The following CAP2 variants were observed in gnomAD, a reference collection of about 807,000 sequenced individuals.
CAP2 encodes the protein adenylyl cyclase-associated protein 2.
A neutral mutation model predicts 57.7 loss-of-function variants in CAP2; 24 were observed. The observed-to-expected ratio is 0.42, with a 90% CI of 0.30 to 0.58. The LOEUF is 0.58. Among genes scored for constraint, CAP2 ranks in the 20% least tolerant of loss-of-function variants. The probability of loss-of-function intolerance (pLI) is 0.22; values close to 1 mark genes in which losing one functional copy is unlikely to be tolerated. For synonymous variants in CAP2, 194 were observed against 207.2 expected, an observed-to-expected ratio of 0.94 and a Z score of 0.55; for missense variants, 501 against 590.3, an observed-to-expected ratio of 0.85 and a Z score of 1.57.
At position 17,557,235 on chromosome 6, in the gene CAP2, A is replaced by C. The variant is rs1763335434; in HGVS notation, c.*793A>C. ...AATCAAGCTCAGTTATTATTTTCCA[A>C]GTTTGAACATGTTAAATATCAGATG... On this transcript the variant is annotated 3_prime_UTR_variant, in exon 13 of 13. Coordinates refer to ENST00000229922, the MANE Select transcript of CAP2 (RefSeq NM_006366.3). The C allele has an allele frequency of 6.6e-6, 1 of 152,186 alleles. No homozygotes were observed. The highest frequency in any genetic ancestry group is 1.5e-5 in the Non-Finnish European group (1 of 68,036). The allele number at this position is 152,186 out of a possible 1,614,324, so 9.4% of individuals were successfully genotyped here.
At chr6:17,482,888 A>C (rs1379378243) in intron 4 of CAP2, among the ~76,000 whole-genome samples, 1 of 152,058 alleles carries the variant, frequency 6.6e-6, no homozygotes, top group African/African-American at 2.4e-5. Context: ...GGGGGACACC[A>C]CTCAGCCCGT....
chr6:17,454,206 G>A (rs1195080035), intron 3 of CAP2, among the ~76,000 whole-genome samples: 5 of 151,856 alleles, frequency 3.3e-5, no homozygotes, highest in African/African-American at 9.7e-5. Context: ...CACTGCGTCC[G>A]GCTCAGGGCT....
intron 4 of CAP2, among the ~76,000 whole-genome samples, chr6:17,478,838 C>T (rs1484336347): frequency 6.6e-6 from 1 of 152,282 alleles, no homozygotes; most frequent in Non-Finnish European, 1.5e-5. Flanking sequence ...TCTTAATTGT[C>T]CTCATTCCAT....
rs765142345 is a variant in CAP2 at position 17,513,972 on chromosome 6, C to T, written c.636+18C>T. On this transcript the variant is annotated intron_variant, in intron 7 of 12. Coordinates refer to ENST00000229922, the MANE Select transcript of CAP2 (RefSeq NM_006366.3). The surrounding 1 kb of genome is among the most constrained non-coding windows in gnomAD (Gnocchi z 4.3). The stretch of plus-strand genomic sequence containing the variant: ...GCAAAACAGTGAGTACGAGGCCTTC[C>T]TCCACGTGTGTAAAAAAAGGCCATG... 3.1e-5 allele frequency: 45 copies of T among 1,462,464 alleles called. No individual in the cohort carries two copies. The highest frequency in any genetic ancestry group is 3.6e-5 in the Non-Finnish European group (37 of 1,041,802). The allele number at this position is 1,462,464 out of a possible 1,614,324, so 90.6% of individuals were successfully genotyped here.
intron 7 of CAP2, among the ~76,000 whole-genome samples, chr6:17,533,903 C>G (rs1275579740): frequency 6.6e-6 from 1 of 152,134 alleles, no homozygotes; most frequent in African/African-American, 2.4e-5. Context: ...TACAATGACT[C>G]CAATAGAACG....
intron 2 of CAP2, among the ~76,000 whole-genome samples, chr6:17,426,152 C>T (rs1759585039): frequency 6.6e-6 from 1 of 151,678 alleles, no homozygotes; most frequent in Admixed American, 6.6e-5. Flanking sequence ...GAAGGAATGA[C>T]TTAGCAAATG....
chr6:17,506,747 C>T (rs913899428), intron 4 of CAP2, among the ~76,000 whole-genome samples: 3 of 152,110 alleles, frequency 2.0e-5, no homozygotes, highest in African/African-American at 7.2e-5. Flanking sequence ...GCATTTTCCA[C>T]AGGAATAGGA....
At chr6:17,443,488 A>G (rs923177388) in intron 3 of CAP2, among the ~76,000 whole-genome samples, 2 of 152,172 alleles carry the variant, frequency 1.3e-5, no homozygotes, top group African/African-American at 4.8e-5. Flanking sequence ...ATACTTTTGT[A>G]CAAAAGGAAT....
In CAP2 at chr6:17,397,086, GTCTC is replaced by G. The variant is rs376359019; in HGVS notation, c.-2+3346_-2+3349del. 4.2e-3 allele frequency among the ~76,000 whole-genome samples: 632 copies of G among 152,226 alleles called. 2 individuals are homozygous for G. Among genetic ancestry groups the G allele is most frequent in the Middle Eastern group, 0.017 (5 of 294 alleles). ...ATCTCGCATTCTCTTTTGAGATGGAGTCTCTCTCTGTCGCCCAGGCTGGAATGGA... is the reference window on the plus strand; with the variant it reads ...ATCTCGCATTCTCTTTTGAGATGGAGTCTCTGTCGCCCAGGCTGGAATGGA... On this transcript the variant is annotated intron_variant, in intron 1 of 12. Coordinates refer to ENST00000229922, the MANE Select transcript of CAP2 (RefSeq NM_006366.3).
At position 17,420,927 on chromosome 6, in the gene CAP2, G is replaced by T. The variant is rs143470224; in HGVS notation, c.-1-628G>T. ...AATACTCTGTAGGTAAATAAAAGAC[G>T]CATGCACACACATTTATAGCAGCAC... On this transcript the variant is annotated intron_variant, in intron 1 of 12. Coordinates refer to ENST00000229922, the MANE Select transcript of CAP2 (RefSeq NM_006366.3). Among the ~76,000 whole-genome samples the T allele has an allele frequency of 1.5e-3, 232 of 152,220 alleles. 2 individuals carry two copies. Among genetic ancestry groups the T allele is most frequent in the African/African-American group, 5.0e-3 (206 of 41,536 alleles).
intron 1 of CAP2, among the ~76,000 whole-genome samples, chr6:17,407,025 G>A (rs1044192699): frequency 5.3e-5 from 8 of 152,128 alleles, no homozygotes; most frequent in Non-Finnish European, 8.8e-5. Context: ...CTATTGTTTT[G>A]TCTTTTGGAA....
chr6:17,404,140 C>T (rs1186846463), intron 1 of CAP2, among the ~76,000 whole-genome samples: 1 of 152,128 alleles, frequency 6.6e-6, no homozygotes, highest in Admixed American at 6.5e-5. Flanking sequence ...CTAGTGACTC[C>T]TTGTTTTACT....
At chr6:17,440,309 T>C (rs1458680963) in intron 3 of CAP2, among the ~76,000 whole-genome samples, 1 of 151,570 alleles carries the variant, frequency 6.6e-6, no homozygotes, top group Non-Finnish European at 1.5e-5. Flanking sequence ...TATTTTTGAA[T>C]TGGTTGTTCG....
chr6:17,402,326 C>T (rs1314985888), intron 1 of CAP2, among the ~76,000 whole-genome samples: 2 of 152,040 alleles, frequency 1.3e-5, no homozygotes, highest in East Asian at 3.9e-4. Flanking sequence ...TTGCTTTGCC[C>T]AAGGATGTAA....
chr6:17,521,801 C>A (rs541558079), intron 7 of CAP2, among the ~76,000 whole-genome samples: 1 of 152,154 alleles, frequency 6.6e-6, no homozygotes, highest in African/African-American at 2.4e-5. Context: ...GCAACCTGGG[C>A]ACTTGTTAGA....
chr6:17,539,477 C>G lies in CAP2; in HGVS notation c.826+19C>G, dbSNP rs750051588. 27 of 1,595,294 alleles carry G rather than the reference C, an allele frequency of 1.7e-5. No individual in the cohort carries two copies. The highest frequency in any genetic ancestry group is 2.3e-5 in the Non-Finnish European group (27 of 1,164,982). On this transcript the variant is annotated intron_variant, in intron 8 of 12. Coordinates refer to ENST00000229922, the MANE Select transcript of CAP2 (RefSeq NM_006366.3). ...ACAAAAGGTGAGAGAGAAAAGAAGA[C>G]CTTGAAGCTGCCTCCCTTTCCCTCT...
chr6:17,547,691 A>G (rs1452267345), intron 11 of CAP2, among the ~76,000 whole-genome samples: 1 of 152,068 alleles, frequency 6.6e-6, no homozygotes, highest in Non-Finnish European at 1.5e-5. Flanking sequence ...AATACAAAAA[A>G]TAAACCAGGC....
chr6:17,417,550 C>T (rs1294829835), intron 1 of CAP2, among the ~76,000 whole-genome samples: 1 of 152,164 alleles, frequency 6.6e-6, no homozygotes, highest in Non-Finnish European at 1.5e-5. Flanking sequence ...GCTAGGATTA[C>T]AGGCATGAGC....
intron 3 of CAP2, among the ~76,000 whole-genome samples, chr6:17,453,112 T>G (rs1314698195): frequency 6.6e-6 from 1 of 152,248 alleles, no homozygotes; most frequent in Non-Finnish European, 1.5e-5. Flanking sequence ...GTTCCATTCA[T>G]TCTTCCATCT....
Sources: allele counts gnomAD v4.1 joint callset (sites outside exome capture counted in the v4.1 genomes callset), GRCh38; gene constraint gnomAD v4.1.1; non-coding constraint Gnocchi (gnomAD v3.1); transcripts MANE v1.5; gene names NCBI Gene and HGNC (gene_info 2026-07-23, HGNC 2026-07-21).